ARFGEF3: variants seen among roughly 807,000 people sequenced by gnomAD.
The protein encoded by ARFGEF3 is brefeldin A-inhibited guanine nucleotide-exchange protein 3.
A neutral mutation model predicts 221.7 loss-of-function variants in ARFGEF3; 96 were observed. The ratio of observed to expected loss-of-function variants is 0.43; its 90% confidence interval spans 0.37 to 0.51. ARFGEF3 has a LOEUF of 0.51. ARFGEF3 is among the 20% of genes least tolerant of loss of function. The pLI is 0.00. For missense variants in ARFGEF3, 2,410 were observed against 2,789.9 expected, an observed-to-expected ratio of 0.86 and a Z score of 3.07; for synonymous variants, 1,145 against 1,126.8, an observed-to-expected ratio of 1.02 and a Z score of -0.32.
chr6:138,267,392 T>C (rs1778916920), intron 12 of ARFGEF3, among the ~76,000 whole-genome samples: 1 of 152,020 alleles, frequency 6.6e-6, no homozygotes, highest in South Asian at 2.1e-4. Flanking sequence ...ACCACTGCAC[T>C]CCAGCCTAGG....
At chr6:138,290,210 T>G (rs747615669) in intron 18 of ARFGEF3, among the ~76,000 whole-genome samples, 27 of 152,336 alleles carry the variant, frequency 1.8e-4, no homozygotes, top group Non-Finnish European at 3.2e-4. Context: ...TTGTGACTTT[T>G]CTATTGACAT....
At chr6:138,229,982 G>A (rs72986861) in intron 5 of ARFGEF3, 130 bp downstream of exon 5, 22 of 764,736 alleles carry the variant, frequency 2.9e-5, no homozygotes, top group Non-Finnish European at 4.0e-5. Flanking sequence ...GGGAATTTCC[G>A]CTAAGGAATT....
At chr6:138,317,918 A>G (rs1211990844) in intron 27 of ARFGEF3, among the ~76,000 whole-genome samples, 5 of 152,210 alleles carry the variant, frequency 3.3e-5, no homozygotes, top group Non-Finnish European at 7.3e-5. Context: ...GAGTATGAGA[A>G]AAGAATGACT....
chr6:138,226,579 T>C lies in ARFGEF3; in HGVS notation c.352-3205T>C, dbSNP rs113444830. ...CATCACTCAAGTTCCTGCTGTTCCA[T>C]GGTAATTTAGTCAATATGCTTTAAT... On this transcript the variant is annotated intron_variant, in intron 4 of 33. Transcript: ENST00000251691. 3.9e-5 allele frequency among the ~76,000 whole-genome samples: 6 copies of C among 152,312 alleles called. 1 individual carries two copies. Among genetic ancestry groups the C allele is most frequent in the African/African-American group, 1.4e-4 (6 of 41,572 alleles).
At chr6:138,163,469 C>T (rs911548631) in intron 1 of ARFGEF3, among the ~76,000 whole-genome samples, 11 of 152,166 alleles carry the variant, frequency 7.2e-5, no homozygotes, top group Admixed American at 3.9e-4. Context: ...TCCAAAATGC[C>T]TCTAATGAAG....
chr6:138,315,283 ATCAGAGT>A lies in ARFGEF3; in HGVS notation c.4345+1348_4345+1354del, dbSNP rs1249901418. ...TTAGGTCCCATGTGATCTCCTGTGAATCAGAGTTCAAACTAGTAACTGTGGATCATTT... is the reference window on the plus strand; with the variant it reads ...TTAGGTCCCATGTGATCTCCTGTGAATCAAACTAGTAACTGTGGATCATTT... On this transcript the variant is annotated intron_variant, in intron 26 of 33. Transcript: ENST00000251691. 5.3e-5 allele frequency among the ~76,000 whole-genome samples: 8 copies of A among 152,318 alleles called. No homozygotes were observed. The South Asian group carries it at 8.3e-4, about 16-fold the overall frequency.
intron 8 of ARFGEF3, among the ~76,000 whole-genome samples, chr6:138,249,681 T>C (rs995232408): frequency 3.3e-5 from 5 of 152,334 alleles, no homozygotes; most frequent in African/African-American, 1.2e-4. Context: ...GGATTTCTCA[T>C]TGTACATTGG....
chr6:138,179,667 G>A (rs1462302540), intron 2 of ARFGEF3, among the ~76,000 whole-genome samples: 1 of 152,174 alleles, frequency 6.6e-6, no homozygotes, highest in Non-Finnish European at 1.5e-5. Context: ...TATACTTGGA[G>A]AGAACCATCC....
intron 2 of ARFGEF3, among the ~76,000 whole-genome samples, chr6:138,179,606 G>A (rs575511881): frequency 1.3e-5 from 2 of 152,226 alleles, no homozygotes; most frequent in South Asian, 4.1e-4. Context: ...TCGTCTTGAC[G>A]TGGGGACCTA....
intron 14 of ARFGEF3, among the ~76,000 whole-genome samples, chr6:138,285,607 T>C (rs1235734751): frequency 1.3e-5 from 2 of 152,170 alleles, no homozygotes; most frequent in Non-Finnish European, 2.9e-5. Context: ...ACATATAAAA[T>C]TTGGGAATAA....
At chr6:138,245,143 A>C (rs1424499313) in intron 7 of ARFGEF3, among the ~76,000 whole-genome samples, 10 of 152,102 alleles carry the variant, frequency 6.6e-5, no homozygotes, top group Admixed American at 5.9e-4. Flanking sequence ...TCGACTAAAA[A>C]TACAAAAAAT....
intron 15 of ARFGEF3, among the ~76,000 whole-genome samples, 178 bp from the exon 16 acceptor site, chr6:138,286,523 C>CTT (rs1779298113): frequency 6.6e-6 from 1 of 150,798 alleles, no homozygotes; most frequent in African/African-American, 2.4e-5. Context: ...GATAATGCAA[C>CTT]ATTTATTATT....
chr6:138,263,694 A>G, intron 12 of ARFGEF3, 83 bp downstream of exon 12: 2 of 1,253,118 alleles, frequency 1.6e-6, no homozygotes, highest in South Asian at 1.4e-5. Flanking sequence ...TCATGCTTAT[A>G]GTTTGACGTG....
chr6:138,261,880 G>A (rs539328366), intron 11 of ARFGEF3, among the ~76,000 whole-genome samples: 1 of 152,142 alleles, frequency 6.6e-6, no homozygotes, highest in African/African-American at 2.4e-5. Context: ...ATTATTCATT[G>A]GGATTATTTT....
chr6:138,261,486 G>C, intron 10 of ARFGEF3, 41 bp from the exon 11 acceptor site: 5 of 1,245,836 alleles, frequency 4.0e-6, no homozygotes, highest in Non-Finnish European at 5.6e-6. Flanking sequence ...GCTTTTTTGT[G>C]ATATTCACTT....
At chr6:138,252,672 T>G (rs771314612) in intron 8 of ARFGEF3, among the ~76,000 whole-genome samples, 5 of 152,214 alleles carry the variant, frequency 3.3e-5, no homozygotes, top group Non-Finnish European at 5.9e-5. Flanking sequence ...CTTCCTGACT[T>G]CCTTTGGACA....
At chr6:138,320,599 G>A (rs1780006137) in intron 28 of ARFGEF3, among the ~76,000 whole-genome samples, 1 of 152,178 alleles carries the variant, frequency 6.6e-6, no homozygotes, top group Admixed American at 6.5e-5. Context: ...TGCTGGAGAG[G>A]ACAGAGAAAC....
intron 2 of ARFGEF3, among the ~76,000 whole-genome samples, chr6:138,188,700 C>T (rs1440680013): frequency 6.6e-6 from 1 of 152,238 alleles, no homozygotes; most frequent in East Asian, 1.9e-4. Context: ...ACCTTTAACA[C>T]AACATTTATC....
In ARFGEF3 at chr6:138,280,100, T is replaced by A. The variant is rs775072793; in HGVS notation, c.2397T>A (p.Leu799=). ...ATCAGGTGCTCGACAGGAACATGCT[T>A]GGAGAGGCTGGCTATTGGGGCAGCC... ...LYHQVLDRNM[L]GEAGYWGSPE... is the part of the protein sequence containing the mutation. Residue 799 remains leucine (L), a synonymous_variant, in exon 14 of 34, where the codon CTT becomes CTA. Coordinates refer to ENST00000251691, the MANE Select transcript of ARFGEF3 (RefSeq NM_020340.5). The A allele has an allele frequency of 6.2e-7, 1 of 1,613,910 alleles. No homozygotes were observed. The highest frequency in any genetic ancestry group is 8.5e-7 in the Non-Finnish European group (1 of 1,179,810).
Sources: gnomAD v4.1 joint callset for allele counts (sites outside exome capture counted in the v4.1 genomes callset) on GRCh38, gnomAD v4.1.1 for gene constraint, MANE v1.5 for transcripts, NCBI Gene and HGNC (gene_info 2026-07-23, HGNC 2026-07-21) for gene names.